The following LRFN2 variants were observed in gnomAD, a reference collection of about 807,000 sequenced individuals.
The protein encoded by LRFN2 is leucine-rich repeat and fibronectin type-III domain-containing protein 2.
A neutral mutation model predicts 37.3 loss-of-function variants in LRFN2; 18 were observed. The observed-to-expected ratio is 0.48, with a 90% CI of 0.33 to 0.72. The LOEUF is 0.72. LRFN2 is among the 30% of genes least tolerant of loss of function. LRFN2 has a pLI of 0.02. For synonymous variants in LRFN2, 556 were observed against 466.6 expected (o/e 1.19, Z -2.47); for missense variants, 1,006 against 1,060.7 (o/e 0.95, Z 0.72).
chr6:40,405,125 C>T (rs1454378489), intron 2 of LRFN2, among the ~76,000 whole-genome samples: 2 of 152,192 alleles, frequency 1.3e-5, no homozygotes, highest in Non-Finnish European at 2.9e-5. Flanking sequence ...TGCTTTTCTG[C>T]CTCTCATGTT....
intron 1 of LRFN2, among the ~76,000 whole-genome samples, chr6:40,439,703 C>T (rs1034741493): frequency 3.3e-5 from 5 of 152,218 alleles, no homozygotes; most frequent in African/African-American, 1.2e-4. Context: ...AGTTGATTTC[C>T]AAAACCTCCT....
At chr6:40,543,754 G>C (rs956530847) in intron 1 of LRFN2, among the ~76,000 whole-genome samples, 1 of 152,198 alleles carries the variant, frequency 6.6e-6, no homozygotes, top group Admixed American at 6.5e-5. Context: ...CAAAAAGCTA[G>C]GCATCCTAGC....
At position 40,420,846 on chromosome 6, in the gene LRFN2, G is replaced by A. The variant is rs112142061; in HGVS notation, c.1400+10868C>T. On this transcript the variant is annotated intron_variant, in intron 2 of 2. Coordinates refer to ENST00000338305, the MANE Select transcript of LRFN2 (RefSeq NM_020737.3). ...TGAATACAAGTAGTTTATTTGGGAGGTGGGCTCAGGAAACTGTGGTAAGGA... is the reference window on the plus strand; with the variant it reads ...TGAATACAAGTAGTTTATTTGGGAGATGGGCTCAGGAAACTGTGGTAAGGA... Among the ~76,000 whole-genome samples, 1,143 of 152,332 alleles carry A rather than the reference G, an allele frequency of 7.5e-3. 21 individuals are homozygous for A. Among genetic ancestry groups the A allele is most frequent in the Middle Eastern group, 6.8e-3 (2 of 294 alleles).
chr6:40,548,917 C>T (rs548280076), intron 1 of LRFN2, among the ~76,000 whole-genome samples: 1 of 152,318 alleles, frequency 6.6e-6, no homozygotes, highest in Admixed American at 6.5e-5. Context: ...TTGAGGTCCA[C>T]ACCACTTGGT....
intron 2 of LRFN2, among the ~76,000 whole-genome samples, chr6:40,420,561 G>A (rs1339099951): frequency 1.3e-5 from 2 of 152,238 alleles, no homozygotes; most frequent in African/African-American, 4.8e-5. Context: ...GCTCACAGCA[G>A]CGATGCTTTC....
Position 40,428,524 on chromosome 6 carries a change from A to G in LRFN2, c.1400+3190T>C, listed in dbSNP as rs147578541. 3.9e-5 allele frequency among the ~76,000 whole-genome samples: 6 copies of G among 152,284 alleles called. No individual in the cohort carries two copies. In the East Asian group the frequency reaches 1.2e-3, roughly 29 times the overall value. ...TCTAAAAATCCAGATTCTTTATTAG[A>G]GTCTCCTATTTCTCTCAAGCCATAA... On this transcript the variant is annotated intron_variant, in intron 2 of 2. Coordinates refer to ENST00000338305, the MANE Select transcript of LRFN2 (RefSeq NM_020737.3).
intron 1 of LRFN2, among the ~76,000 whole-genome samples, chr6:40,517,846 G>T (rs1000255431): frequency 5.3e-5 from 8 of 152,140 alleles, no homozygotes; most frequent in African/African-American, 1.9e-4. Context: ...AACTCCATTA[G>T]TACGGACAAT....
chr6:40,566,693 A>G (rs991105233), intron 1 of LRFN2, among the ~76,000 whole-genome samples: 3 of 151,066 alleles, frequency 2.0e-5, no homozygotes, highest in African/African-American at 4.9e-5. Flanking sequence ...ATGAGAACAC[A>G]TGGACACAGG....
chr6:40,564,415 G>A (rs933748049), intron 1 of LRFN2, among the ~76,000 whole-genome samples: 4 of 152,186 alleles, frequency 2.6e-5, no homozygotes, highest in East Asian at 1.9e-4. Context: ...GTTTACAATC[G>A]AACCATCTAC....
At chr6:40,576,485 G>A (rs1181176365) in intron 1 of LRFN2, among the ~76,000 whole-genome samples, 1 of 152,292 alleles carries the variant, frequency 6.6e-6, no homozygotes, top group African/African-American at 2.4e-5. Context: ...GCATGGCAGG[G>A]CAGCCCAGCA....
At chr6:40,574,335 G>A (rs1354510161) in intron 1 of LRFN2, among the ~76,000 whole-genome samples, 1 of 152,180 alleles carries the variant, frequency 6.6e-6, no homozygotes, top group Non-Finnish European at 1.5e-5. Flanking sequence ...TGACTTGCAT[G>A]AGGGTACACA....
At chr6:40,412,816 T>C (rs967304307) in intron 2 of LRFN2, among the ~76,000 whole-genome samples, 1 of 152,134 alleles carries the variant, frequency 6.6e-6, no homozygotes, top group African/African-American at 2.4e-5. Context: ...AATTGGTAAC[T>C]GATTTAGTAT....
At chr6:40,399,095 C>G (rs911852246) in intron 2 of LRFN2, among the ~76,000 whole-genome samples, 8 of 151,838 alleles carry the variant, frequency 5.3e-5, no homozygotes, top group African/African-American at 1.9e-4. Context: ...AGGGGAGAAG[C>G]CAGGTATCTC....
chr6:40,437,508 G>T (rs951547408), intron 1 of LRFN2, among the ~76,000 whole-genome samples: 9 of 152,172 alleles, frequency 5.9e-5, no homozygotes, highest in Non-Finnish European at 1.0e-4. Context: ...AAAAGTTTGT[G>T]GAGGATTAAC....
chr6:40,560,367 C>T (rs115881843), intron 1 of LRFN2, among the ~76,000 whole-genome samples: 4,043 of 152,234 alleles, frequency 0.027, 88 homozygotes, highest in Admixed American at 0.039. Flanking sequence ...TGTGAGACAC[C>T]ATGCCTGACT....
At chr6:40,557,541 G>A (rs570374908) in intron 1 of LRFN2, among the ~76,000 whole-genome samples, 2 of 152,180 alleles carry the variant, frequency 1.3e-5, no homozygotes, top group Admixed American at 6.5e-5. Context: ...TGGGGTCAGA[G>A]ACAGGCCTTG....
rs1041181571 is a variant in LRFN2, at chr6:40,438,279, C to T, written c.-18-5148G>A. Among the ~76,000 whole-genome samples, 20 of 152,296 alleles carry T rather than the reference C, an allele frequency of 1.3e-4. No homozygotes were observed. In the South Asian group the frequency reaches 1.5e-3, roughly 11 times the overall value. On this transcript the variant is annotated intron_variant, in intron 1 of 2. Coordinates refer to ENST00000338305, the MANE Select transcript of LRFN2 (RefSeq NM_020737.3). ...CCCAGGATAGAAACAGTATCTCCTC[C>T]CTTCCTTGACTGGGTTTCTTCATGT...
chr6:40,428,821 G>A (rs564090727), intron 2 of LRFN2, among the ~76,000 whole-genome samples: 6 of 152,262 alleles, frequency 3.9e-5, no homozygotes, highest in East Asian at 3.9e-4. Context: ...CAGACTCAAC[G>A]CTTACTTTTT....
chr6:40,580,073 C>T (rs1467666161), intron 1 of LRFN2, among the ~76,000 whole-genome samples: 10 of 152,002 alleles, frequency 6.6e-5, no homozygotes, highest in Non-Finnish European at 1.5e-4. Flanking sequence ...GCTGAGACTA[C>T]AAAAAAGGAT....
Sources: gnomAD v4.1 joint callset for allele counts (sites outside exome capture counted in the v4.1 genomes callset) on GRCh38, gnomAD v4.1.1 for gene constraint, MANE v1.5 for transcripts, NCBI Gene and HGNC (gene_info 2026-07-23, HGNC 2026-07-21) for gene names.